Variants in AGBL4 observed in about 807,000 individuals in gnomAD.
AGBL4 encodes AGBL carboxypeptidase 4.
Under a neutral mutation model 66.4 loss-of-function variants are expected in AGBL4, and 58 were observed. The ratio of observed to expected loss-of-function variants is 0.87; its 90% CI spans 0.71 to 1.09. The LOEUF is 1.09. AGBL4 is among the 50% of genes least tolerant of loss of function. The probability of loss-of-function intolerance (pLI) is 0.00; values close to 1 mark genes in which losing one functional copy is unlikely to be tolerated. For synonymous variants in AGBL4, 234 were observed against 222.9 expected, an observed-to-expected ratio of 1.05 and a Z score of -0.44; for missense variants, 579 against 631.0, an observed-to-expected ratio of 0.92 and a Z score of 0.88.
chr1:49,317,458 C>T (rs565011221), intron 3 of AGBL4, among the ~76,000 whole-genome samples: 1 of 151,784 alleles, frequency 6.6e-6, no homozygotes, highest in Non-Finnish European at 1.5e-5. Context: ...ATTAATATAT[C>T]ATCATCATCA....
chr1:50,016,381 G>T (rs1221156611), intron 1 of AGBL4, among the ~76,000 whole-genome samples: 10 of 152,072 alleles, frequency 6.6e-5, no homozygotes, highest in Admixed American at 6.6e-4. Flanking sequence ...GGCCAACATG[G>T]CAAAACCCAC....
chr1:49,088,008 A>G (rs1016878596), intron 4 of AGBL4, among the ~76,000 whole-genome samples: 1 of 152,210 alleles, frequency 6.6e-6, no homozygotes, highest in African/African-American at 2.4e-5. Flanking sequence ...ATGGAAAAAT[A>G]AGGTCTTTTT....
At position 49,197,378 on chromosome 1, in the gene AGBL4, C is replaced by A. The variant is rs563893096; in HGVS notation, c.377+48392G>T. 3.3e-4 allele frequency among the ~76,000 whole-genome samples: 51 copies of A among 152,268 alleles called. 1 individual carries two copies. The South Asian group carries it at 9.7e-3, about 29-fold the overall frequency. On this transcript the variant is annotated intron_variant, in intron 4 of 13. Coordinates refer to ENST00000371839, the MANE Select transcript of AGBL4 (RefSeq NM_032785.4). ...ACTTATCTCTTTCCCAACCATGGTA[C>A]ACTTTGTGTTGGCAGATGTTGTATT...
At chr1:48,621,375 C>T (rs1179390746) in intron 9 of AGBL4, among the ~76,000 whole-genome samples, 1 of 152,116 alleles carries the variant, frequency 6.6e-6, no homozygotes, top group Admixed American at 6.6e-5. Context: ...TAGAACCAGG[C>T]AATGGACTCT....
intron 9 of AGBL4, among the ~76,000 whole-genome samples, chr1:48,616,833 T>C (rs1186265447): frequency 1.1e-4 from 17 of 152,248 alleles, no homozygotes; most frequent in Admixed American, 1.0e-3. Context: ...GGCCTTTGCC[T>C]CTGCAGGATA....
intron 3 of AGBL4, among the ~76,000 whole-genome samples, chr1:49,450,074 G>A (rs916229607): frequency 2.6e-5 from 4 of 152,012 alleles, no homozygotes; most frequent in Admixed American, 6.6e-5. Context: ...TCATCTTCCA[G>A]TAATGCCTTT....
chr1:49,431,854 G>A (rs981633859), intron 3 of AGBL4, among the ~76,000 whole-genome samples: 2 of 151,996 alleles, frequency 1.3e-5, no homozygotes, highest in Admixed American at 6.6e-5. Flanking sequence ...ACTGTGGCAG[G>A]CCAGGTCTCA....
At chr1:48,966,803 G>T (rs1658461199) in intron 5 of AGBL4, among the ~76,000 whole-genome samples, 1 of 151,918 alleles carries the variant, frequency 6.6e-6, no homozygotes, top group African/African-American at 2.4e-5. Context: ...ATGTTTAAAG[G>T]CATCTTACAC....
At chr1:49,606,990 A>T (rs981968033) in intron 3 of AGBL4, among the ~76,000 whole-genome samples, 1 of 152,106 alleles carries the variant, frequency 6.6e-6, no homozygotes. Flanking sequence ...AACTACCTAT[A>T]TGTTAAACAC....
rs889083427 is a variant in AGBL4 at position 49,341,609 on chromosome 1, G to A, written c.283-95745C>T. Among the ~76,000 whole-genome samples the A allele has an allele frequency of 2.0e-5, 3 of 152,148 alleles. No homozygotes were observed. In the South Asian group the frequency reaches 6.2e-4, roughly 32 times the overall value. On this transcript the variant is annotated intron_variant, in intron 3 of 13. Transcript: ENST00000371839. ...GATTTGGCACTATAGGATGTTAACGGCTATTCTCTTTGGATTAATCTGCCT... is the reference window on the plus strand; with the variant it reads ...GATTTGGCACTATAGGATGTTAACGACTATTCTCTTTGGATTAATCTGCCT...
At chr1:49,064,606 C>T (rs954016603) in intron 4 of AGBL4, among the ~76,000 whole-genome samples, 7 of 151,948 alleles carry the variant, frequency 4.6e-5, no homozygotes, top group East Asian at 1.9e-4. Context: ...CTAAGTTAAA[C>T]GAAATAGATT....
At chr1:49,395,298 G>A (rs555608664) in intron 3 of AGBL4, among the ~76,000 whole-genome samples, 12 of 151,956 alleles carry the variant, frequency 7.9e-5, no homozygotes, top group Non-Finnish European at 1.8e-4. Flanking sequence ...GATCATTTAG[G>A]TACAAGTATC....
chr1:50,012,165 CAAAAA>C (rs34501869), intron 1 of AGBL4, among the ~76,000 whole-genome samples: 1 of 47,774 alleles, frequency 2.1e-5, no homozygotes, highest in Admixed American at 2.1e-4. Flanking sequence ...GACTCCGTCT[CAAAAA>C]AAAAAAAAAA....
intron 3 of AGBL4, among the ~76,000 whole-genome samples, chr1:49,397,209 A>C (rs1441685417): frequency 6.6e-6 from 1 of 152,026 alleles, no homozygotes; most frequent in African/African-American, 2.4e-5. Flanking sequence ...TCTTGAAAAG[A>C]GAAGCACAAT....
At chr1:49,766,057 G>C (rs911570050) in intron 2 of AGBL4, among the ~76,000 whole-genome samples, 1 of 152,148 alleles carries the variant, frequency 6.6e-6, no homozygotes, top group African/African-American at 2.4e-5. Context: ...TTGCTACAGA[G>C]GTAGCCGGAT....
chr1:48,565,367 C>T (rs1011250666), intron 11 of AGBL4, among the ~76,000 whole-genome samples: 10 of 152,180 alleles, frequency 6.6e-5, no homozygotes, highest in African/African-American at 2.4e-4. Context: ...GGAAGTGGAG[C>T]TGGGCTTCTA....
intron 4 of AGBL4, among the ~76,000 whole-genome samples, chr1:49,077,190 A>AGTGGGTGCTT (rs140557488): frequency 0.059 from 9,006 of 152,056 alleles, 755 homozygotes; most frequent in African/African-American, 0.2. Flanking sequence ...CCTATCACAT[A>AGTGGGTGCTT]GTGGGTGCTT....
intron 4 of AGBL4, among the ~76,000 whole-genome samples, chr1:49,206,193 G>C (rs1352065881): frequency 6.6e-6 from 1 of 152,108 alleles, no homozygotes; most frequent in East Asian, 1.9e-4. Flanking sequence ...TGTGTTTGGG[G>C]GAAGGAGAAA....
In AGBL4 at chr1:49,316,410, T is replaced by C. The variant is rs72897770; in HGVS notation, c.283-70546A>G. Among the ~76,000 whole-genome samples, 1,345 of 151,472 alleles carry C rather than the reference T, an allele frequency of 8.9e-3. 17 individuals carry two copies. Among genetic ancestry groups the C allele is most frequent in the African/African-American group, 0.031 (1,290 of 41,348 alleles). On this transcript the variant is annotated intron_variant, in intron 3 of 13. Transcript: ENST00000371839. ...AATTTCATTCAATTTTTTCCGTAAATCAAAAACTGCTTGATGAAAAGTCTA... is the reference window on the plus strand; with the variant it reads ...AATTTCATTCAATTTTTTCCGTAAACCAAAAACTGCTTGATGAAAAGTCTA...
Sources: allele counts gnomAD v4.1 joint callset (sites outside exome capture counted in the v4.1 genomes callset), GRCh38; gene constraint gnomAD v4.1.1; transcripts MANE v1.5; gene names NCBI Gene and HGNC (gene_info 2026-07-23, HGNC 2026-07-21).